FAM111B: variants seen among roughly 807,000 people sequenced by gnomAD.
FAM111B encodes serine protease FAM111B.
Under a neutral mutation model 2.8 loss-of-function variants are expected in FAM111B, and 1 was observed. The ratio of observed to expected loss-of-function variants is 0.36; its 90% CI spans 0.13 to 1.70. The LOEUF (loss-of-function observed/expected upper bound fraction) is 1.70, where lower values mean the gene tolerates loss of function less well. FAM111B is among the 40% of genes most tolerant of loss of function. The pLI is 0.35. For missense variants in FAM111B, 882 were observed against 878.9 expected (o/e 1.00, Z -0.04); for synonymous variants, 297 against 295.6 (o/e 1.00, Z -0.05).
In FAM111B at chr11:59,124,858, C is replaced by A. The variant is rs1859989834; in HGVS notation, c.761C>A (p.Ser254Tyr). 1 of 1,612,838 alleles carries A rather than the reference C, an allele frequency of 6.2e-7. No homozygotes were observed. Among genetic ancestry groups the A allele is most frequent in the Non-Finnish European group, 8.5e-7 (1 of 1,179,616 alleles). Reference protein sequence around the residue: ...EGHKKIYGKQSMVDEVSGKVL... With the variant: ...EGHKKIYGKQYMVDEVSGKVL... ...CATAAGAAAATTTATGGAAAACAGTCCATGGTGGATGAAGTATCTGGAAAA... is the reference window on the plus strand; with the variant it reads ...CATAAGAAAATTTATGGAAAACAGTACATGGTGGATGAAGTATCTGGAAAA... The change falls in exon 4 of 4, where the codon TCC (serine) becomes TAC (tyrosine). Residue 254 changes from serine (S) to tyrosine (Y), a missense_variant. Transcript: ENST00000343597.
intron 2 of FAM111B, among the ~76,000 whole-genome samples, chr11:59,108,992 G>A (rs550660736): frequency 3.3e-5 from 5 of 152,150 alleles, no homozygotes; most frequent in Admixed American, 2.0e-4. Context: ...TTATTAGGTG[G>A]GAGCAGAACT....
chr11:59,112,493 A>T (rs1316705011), intron 3 of FAM111B, among the ~76,000 whole-genome samples: 1 of 152,186 alleles, frequency 6.6e-6, no homozygotes, highest in Non-Finnish European at 1.5e-5. Context: ...TTGTATGAAG[A>T]TTAGTTTTCA....
Position 59,124,170 on chromosome 11 carries a change from C to A in FAM111B, c.82-9C>A, listed in dbSNP as rs372755718. Reference sequence around the variant, plus strand: ...TTCTTGTTAACCTCTTTAATCTTTCCTTTTTAAGGATACTGTCATGAAGCA... The same window carrying A: ...TTCTTGTTAACCTCTTTAATCTTTCATTTTTAAGGATACTGTCATGAAGCA... On this transcript the variant is annotated splice_polypyrimidine_tract_variant and intron_variant, in intron 3 of 3. Coordinates refer to ENST00000343597, the MANE Select transcript of FAM111B (RefSeq NM_198947.4). The A allele has an allele frequency of 1.7e-5, 27 of 1,569,438 alleles. No individual in the cohort carries two copies. Among genetic ancestry groups the A allele is most frequent in the Non-Finnish European group, 2.2e-5 (26 of 1,158,674 alleles).
Position 59,109,675 on chromosome 11 carries a change from AT to A in FAM111B, c.51del (p.Asp17GlufsTer15). The A allele has an allele frequency of 6.2e-7, 1 of 1,612,794 alleles. No individual in the cohort carries two copies. Among genetic ancestry groups the A allele is most frequent in the South Asian group, 1.1e-5 (1 of 90,916 alleles). On this transcript the variant is annotated frameshift_variant, in exon 3 of 4. Transcript: ENST00000343597. LOFTEE classifies it low-confidence loss of function (END_TRUNC). ...EENKSFSAME[D>X]DQRTRPEVSK... Reference sequence around the variant, plus strand: ...AACAAGTCATTTAGCGCTATGGAAGATGACCAGAGGACTAGACCTGAAGTTT... The same window carrying A: ...AACAAGTCATTTAGCGCTATGGAAGAGACCAGAGGACTAGACCTGAAGTTT...
At chr11:59,107,725 A>G (rs530707736) in intron 1 of FAM111B, among the ~76,000 whole-genome samples, 1 of 152,272 alleles carries the variant, frequency 6.6e-6, no homozygotes, top group South Asian at 2.1e-4. Flanking sequence ...GGATTTCTGG[A>G]AAGAGACGGG....
rs373667238 is a variant in FAM111B at position 59,125,021 on chromosome 11, A to T, written c.924A>T (p.Pro308=). 6.2e-5 allele frequency: 100 copies of T among 1,612,714 alleles called. No homozygotes were observed. Among genetic ancestry groups the T allele is most frequent in the Non-Finnish European group, 8.1e-5 (96 of 1,179,722 alleles). The part of the protein sequence containing the change: ...LIQSKKKVHK[P]KKDGETKDVE... Reference sequence around the variant, plus strand: ...AGTCTAAGAAAAAAGTCCACAAACCAAAGAAAGATGGAGAGACCAAAGATG... The same window carrying T: ...AGTCTAAGAAAAAAGTCCACAAACCTAAGAAAGATGGAGAGACCAAAGATG... Residue 308 remains proline (P), a synonymous_variant, in exon 4 of 4, where the codon CCA becomes CCT. Transcript: ENST00000343597.
intron 1 of FAM111B, among the ~76,000 whole-genome samples, chr11:59,108,333 C>A (rs1200870393): frequency 6.6e-6 from 1 of 152,202 alleles, no homozygotes; most frequent in Non-Finnish European, 1.5e-5. Context: ...TTCTCAGCTG[C>A]TGCTCTGATC....
intron 3 of FAM111B, among the ~76,000 whole-genome samples, chr11:59,110,998 A>G (rs1457809493): frequency 1.3e-5 from 2 of 152,206 alleles, no homozygotes; most frequent in Admixed American, 1.3e-4. Context: ...ATGAGTGGAC[A>G]TTCCAGAATT....
intron 3 of FAM111B, among the ~76,000 whole-genome samples, chr11:59,123,490 T>C (rs1565189891): frequency 6.6e-6 from 1 of 152,188 alleles, no homozygotes; most frequent in East Asian, 1.9e-4. Context: ...TCAGTTGCGG[T>C]ATTTCCACTC....
intron 1 of FAM111B, among the ~76,000 whole-genome samples, chr11:59,107,903 C>T (rs1859690367): frequency 6.6e-6 from 1 of 152,142 alleles, no homozygotes; most frequent in South Asian, 2.1e-4. Flanking sequence ...TCTTGTAGCA[C>T]GGTGGTTACT....
At chr11:59,116,163 T>G (rs1025827310) in intron 3 of FAM111B, among the ~76,000 whole-genome samples, 5 of 152,192 alleles carry the variant, frequency 3.3e-5, no homozygotes, top group African/African-American at 1.2e-4. Context: ...CTACTCAGAT[T>G]CCACCTAGAC....
At position 59,109,623 on chromosome 11, in the gene FAM111B, A is replaced by G. The variant is rs779210733; in HGVS notation, c.-3A>G. 4 of 1,598,594 alleles carry G rather than the reference A, an allele frequency of 2.5e-6. No homozygotes were observed. The South Asian group carries it at 3.3e-5, about 13-fold the overall frequency. On this transcript the variant is annotated 5_prime_UTR_variant, in exon 3 of 4. Coordinates refer to ENST00000343597, the MANE Select transcript of FAM111B (RefSeq NM_198947.4). ...AGTTAGTTACATTCTCTTTGAACTC[A>G]TCATGAATTCCATGAAGACTGAAGA...
chr11:59,121,462 C>T (rs879810447), intron 3 of FAM111B, among the ~76,000 whole-genome samples: 2 of 152,106 alleles, frequency 1.3e-5, no homozygotes, highest in Admixed American at 6.5e-5. Context: ...TTGATAAAGA[C>T]ATAGAATAAT....
At position 59,126,095 on chromosome 11, in the gene FAM111B, C is replaced by G. The variant is rs751874884; in HGVS notation, c.1998C>G (p.Thr666=). The G allele has an allele frequency of 1.2e-6, 2 of 1,613,548 alleles. No homozygotes were observed. Among genetic ancestry groups the G allele is most frequent in the Admixed American group, 3.3e-5 (2 of 59,946 alleles). ...NASGKLVALH[T]FGLFYQRGFN... ...CTGGCAAATTGGTTGCTTTGCATAC[C>G]TTTGGGCTTTTTTATCAACGAGGAT... Residue 666 remains threonine (T), a synonymous_variant, in exon 4 of 4, where the codon ACC becomes ACG. Coordinates refer to ENST00000343597, the MANE Select transcript of FAM111B (RefSeq NM_198947.4).
intron 3 of FAM111B, among the ~76,000 whole-genome samples, chr11:59,118,906 T>C (rs947852039): frequency 3.3e-5 from 5 of 152,278 alleles, no homozygotes; most frequent in African/African-American, 9.6e-5. Context: ...ATTTACCTAT[T>C]AGTTCTTGCA....
Position 59,124,629 on chromosome 11 carries a change from A to C in FAM111B, c.532A>C (p.Asn178His), listed in dbSNP as rs1298145005. The change falls in exon 4 of 4, where the codon AAT (asparagine) becomes CAT (histidine). Residue 178 changes from asparagine (N) to histidine (H), a missense_variant. Physicochemically the swap from Asn to His is moderately conservative, Grantham distance 68. Transcript: ENST00000343597. ...EDGHILRQCE[N>H]PNMECILFHV... ...TGGACACATATTACGCCAATGTGAA[A>C]ATCCAAACATGGAATGCATTCTTTT... The C allele has an allele frequency of 6.2e-7, 1 of 1,613,846 alleles. No individual in the cohort carries two copies. Among genetic ancestry groups the C allele is most frequent in the Non-Finnish European group, 8.5e-7 (1 of 1,179,876 alleles).
chr11:59,115,548 G>T (rs1292922989), intron 3 of FAM111B, among the ~76,000 whole-genome samples: 1 of 152,198 alleles, frequency 6.6e-6, no homozygotes, highest in Non-Finnish European at 1.5e-5. Context: ...TGAATACAAG[G>T]GAGACAGCAC....
chr11:59,121,251 A>C (rs535568200), intron 3 of FAM111B, among the ~76,000 whole-genome samples: 2 of 152,210 alleles, frequency 1.3e-5, no homozygotes, highest in Non-Finnish European at 2.9e-5. Context: ...AATATTTAAA[A>C]TACTCCTAGA....
intron 3 of FAM111B, among the ~76,000 whole-genome samples, chr11:59,121,754 CCAGAAATAA>C (rs1859926171): frequency 6.6e-6 from 1 of 152,098 alleles, no homozygotes. Flanking sequence ...TAGAAAAACC[CCAGAAATAA>C]CAGAAATATT....
Sources: allele counts gnomAD v4.1 joint callset (sites outside exome capture counted in the v4.1 genomes callset), GRCh38; gene constraint gnomAD v4.1.1; transcripts MANE v1.5; gene names NCBI Gene and HGNC (gene_info 2026-07-23, HGNC 2026-07-21).